Variants in ASB4 observed in about 807,000 individuals in gnomAD.
ASB4 encodes ankyrin repeat and SOCS box containing 4.
In ASB4, 35 loss-of-function variants were observed where a neutral mutation model predicts 38.6. The ratio of observed to expected loss-of-function variants is 0.91; its 90% CI spans 0.69 to 1.20. The LOEUF is 1.20. Ranked by LOEUF, ASB4 falls within the 50% of genes most tolerant of loss-of-function variation. ASB4 has a pLI of 0.00. For synonymous variants in ASB4, 195 were observed against 201.3 expected, an observed-to-expected ratio of 0.97 and a Z score of 0.26; for missense variants, 557 against 527.2, an observed-to-expected ratio of 1.06 and a Z score of -0.55.
chr7:95,550,124 G>A, the ASB4 span, among the ~76,000 whole-genome samples: 1 of 152,128 alleles, frequency 6.6e-6, no homozygotes, highest in East Asian at 1.9e-4. Context: ...GAACATCCAG[G>A]TTCCCTAAAA....
In ASB4 at chr7:95,527,857, C is replaced by T. The variant is rs1184365399; in HGVS notation, c.532C>T (p.Pro178Ser). 2 of 1,611,800 alleles carry T rather than the reference C, an allele frequency of 1.2e-6. No individual in the cohort carries two copies. Among genetic ancestry groups the T allele is most frequent in the Non-Finnish European group, 1.7e-6 (2 of 1,178,468 alleles). ...MKTNNQDEET[P>S]LHTAAHFGLS... Reference sequence around the variant, plus strand: ...GACCAACAACCAAGATGAGGAGACGCCCTTGCACACGGCTGCCCACTTCGG... The same window carrying T: ...GACCAACAACCAAGATGAGGAGACGTCCTTGCACACGGCTGCCCACTTCGG... Residue 178 changes from proline to serine, a missense_variant, in exon 3 of 5, where the codon CCC (proline) becomes TCC (serine). Physicochemically the swap from Pro to Ser is moderately conservative, Grantham distance 74. Coordinates refer to ENST00000325885, the MANE Select transcript of ASB4 (RefSeq NM_016116.3).
rs966910012 is a variant in ASB4 at position 95,539,335 on chromosome 7, G to A, written c.*1576G>A. The A allele has an allele frequency of 1.3e-5, 2 of 152,078 alleles. No individual in the cohort carries two copies. The highest frequency in any genetic ancestry group is 3.9e-4 in the East Asian group (2 of 5,184). The allele number at this position is 152,078 out of a possible 1,614,324, so 9.4% of individuals were successfully genotyped here. ...CAGTTGAGACTGTGCTTCTGAACTG[G>A]GATTGTCTTACTCCCAGGGCTGTGT... On this transcript the variant is annotated 3_prime_UTR_variant, in exon 5 of 5. Coordinates refer to ENST00000325885, the MANE Select transcript of ASB4 (RefSeq NM_016116.3).
At chr7:95,510,670 T>C (rs540493395) in intron 2 of ASB4, among the ~76,000 whole-genome samples, 2 of 152,330 alleles carry the variant, frequency 1.3e-5, no homozygotes, top group Admixed American at 1.3e-4. Flanking sequence ...CCCAAGTGCT[T>C]CAGAGGAAAA....
intron 2 of ASB4, among the ~76,000 whole-genome samples, chr7:95,497,731 T>A (rs1790272029): frequency 6.6e-6 from 1 of 152,164 alleles, no homozygotes; most frequent in Admixed American, 6.5e-5. Context: ...ATGTTTTCTG[T>A]CCCTATAATT....
At chr7:95,535,727 C>T (rs762353775) in intron 3 of ASB4, among the ~76,000 whole-genome samples, 4 of 152,166 alleles carry the variant, frequency 2.6e-5, no homozygotes, top group African/African-American at 4.8e-5. Flanking sequence ...ACAGAGTGTG[C>T]TAAGAGCTAA....
chr7:95,537,482 G>A (rs763989457), intron 4 of ASB4, 89 bp from the exon 5 acceptor site: 269 of 1,166,008 alleles, frequency 2.3e-4, no homozygotes, highest in Non-Finnish European at 3.1e-4. Flanking sequence ...CTGCCATTAC[G>A]TATAGAGGTT....
upstream of ASB4, among the ~76,000 whole-genome samples, chr7:95,477,557 T>TAGAAAACTAC (rs1303090821): frequency 2.0e-5 from 3 of 152,194 alleles, no homozygotes; most frequent in Non-Finnish European, 4.4e-5. Flanking sequence ...TGCAAAACTA[T>TAGAAAACTAC]AGAAAACTAC....
At chr7:95,478,590 A>G (rs1789998020) in exon 1 of ASB4, 1 of 152,284 alleles carries the variant, frequency 6.6e-6, no homozygotes, top group East Asian at 1.9e-4. Flanking sequence ...GATTCTCCGG[A>G]AACACTCAGG....
intron 1 of ASB4, among the ~76,000 whole-genome samples, chr7:95,486,991 A>G (rs1461133212): frequency 7.2e-5 from 11 of 152,248 alleles, no homozygotes; most frequent in Non-Finnish European, 2.9e-5. Flanking sequence ...ATGCTGCTCA[A>G]CATCACTAAT....
rs79579755 is a variant in ASB4, at chr7:95,532,418, G to A, written c.979-4019G>A. 8.2e-4 allele frequency among the ~76,000 whole-genome samples: 124 copies of A among 152,096 alleles called. 1 individual carries two copies. Among genetic ancestry groups the A allele is most frequent in the African/African-American group, 1.5e-3 (63 of 41,504 alleles). On this transcript the variant is annotated intron_variant, in intron 3 of 4. Coordinates refer to ENST00000325885, the MANE Select transcript of ASB4 (RefSeq NM_016116.3). ...ACATTTGATTTTTTTTTCTCCCAGC[G>A]TAATTCAGAAGAAAGTGACACCCCA...
At chr7:95,489,283 T>C (rs342) in intron 1 of ASB4, among the ~76,000 whole-genome samples, 38,517 of 152,106 alleles carry the variant, frequency 0.25, 5,191 homozygotes, top group Middle Eastern at 0.4. Context: ...AATAAAGCTA[T>C]TGGATTACAA....
intron 2 of ASB4, among the ~76,000 whole-genome samples, chr7:95,509,362 G>A (rs1443694640): frequency 1.3e-5 from 2 of 152,142 alleles, no homozygotes; most frequent in Non-Finnish European, 2.9e-5. Context: ...TCCCACATCC[G>A]TTGTTTGAGC....
chr7:95,485,277 T>TA (rs1035535261), upstream of ASB4, among the ~76,000 whole-genome samples: 11 of 152,310 alleles, frequency 7.2e-5, no homozygotes, highest in Admixed American at 7.2e-4. Context: ...TCTAGCTGAT[T>TA]AAAAAACAGG....
chr7:95,520,928 T>C (rs1486884454), intron 2 of ASB4, among the ~76,000 whole-genome samples: 5 of 152,182 alleles, frequency 3.3e-5, no homozygotes, highest in Admixed American at 2.6e-4. Context: ...TTATTCTTTT[T>C]TAATTTTAAG....
At chr7:95,504,221 T>C (rs892744659) in intron 2 of ASB4, among the ~76,000 whole-genome samples, 1 of 152,146 alleles carries the variant, frequency 6.6e-6, no homozygotes, top group Non-Finnish European at 1.5e-5. Context: ...GGAGGAAAAT[T>C]TGTTACTGCA....
chr7:95,547,520 A>G, the ASB4 span, among the ~76,000 whole-genome samples: 1 of 152,188 alleles, frequency 6.6e-6, no homozygotes, highest in African/African-American at 2.4e-5. Flanking sequence ...GAATATACCA[A>G]AATAAATATT....
intron 2 of ASB4, among the ~76,000 whole-genome samples, chr7:95,522,553 A>T (rs1790678182): frequency 6.6e-6 from 1 of 152,162 alleles, no homozygotes; most frequent in South Asian, 2.1e-4. Flanking sequence ...TTTTTAAAAG[A>T]TTATGTGTAG....
chr7:95,515,320 C>CTTTCTTT (rs1790563817), intron 2 of ASB4, among the ~76,000 whole-genome samples: 2 of 61,544 alleles, frequency 3.2e-5, no homozygotes, highest in Admixed American at 1.7e-4. Context: ...TTTCTTTCTT[C>CTTTCTTT]CTTCCTTCCT....
chr7:95,543,718 G>A (rs1325540592), downstream of ASB4: 2 of 152,244 alleles, frequency 1.3e-5, no homozygotes, highest in Non-Finnish European at 2.9e-5. Context: ...AGAGTAACTT[G>A]ATGCACGTAG....
Sources: allele counts gnomAD v4.1 joint callset (sites outside exome capture counted in the v4.1 genomes callset), GRCh38; gene constraint gnomAD v4.1.1; transcripts MANE v1.5; gene names NCBI Gene and HGNC (gene_info 2026-07-23, HGNC 2026-07-21).